ALDH1L2: variants seen among roughly 807,000 people sequenced by gnomAD.
The protein encoded by ALDH1L2 is mitochondrial 10-formyltetrahydrofolate dehydrogenase.
A neutral mutation model predicts 111.0 loss-of-function variants in ALDH1L2; 91 were observed. The ratio of observed to expected loss-of-function variants is 0.82; its 90% CI spans 0.69 to 0.98. The LOEUF is 0.98. ALDH1L2 is among the 50% of genes least tolerant of loss of function. The pLI is 0.00. For missense variants in ALDH1L2, 995 were observed against 1,126.8 expected (o/e 0.88, Z 1.67); for synonymous variants, 374 against 392.6 (o/e 0.95, Z 0.56).
chr12:105,061,721 C>A lies in ALDH1L2; in HGVS notation c.953G>T (p.Gly318Val). The A allele has an allele frequency of 6.2e-7, 1 of 1,614,138 alleles. No individual in the cohort carries two copies. Among genetic ancestry groups the A allele is most frequent in the Non-Finnish European group, 8.5e-7 (1 of 1,180,016 alleles). The change falls in exon 8 of 23, where the codon GGA (glycine) becomes GTA (valine). Residue 318 changes from glycine (G) to valine (V), a missense_variant. Physicochemically the swap from Gly to Val is moderately radical, Grantham distance 109. Transcript: ENST00000258494. Reference sequence around the variant, plus strand: ...GTACTGAGAGGCAGGGATCATTTTTCCATCTTCAAACTGCAGATTTCTCAC... The same window carrying A: ...GTACTGAGAGGCAGGGATCATTTTTACATCTTCAAACTGCAGATTTCTCAC... ...LTVRNLQFED[G>V]KMIPASQYFS...
chr12:105,076,169 A>T (rs890841745), intron 1 of ALDH1L2, among the ~76,000 whole-genome samples: 6 of 152,298 alleles, frequency 3.9e-5, no homozygotes, highest in African/African-American at 1.4e-4. Flanking sequence ...CCTACTTCAG[A>T]TCTACTGACT....
At chr12:105,074,479 A>AG (rs1877927789) in intron 1 of ALDH1L2, among the ~76,000 whole-genome samples, 1 of 149,516 alleles carries the variant, frequency 6.7e-6, no homozygotes, top group African/African-American at 2.5e-5. Flanking sequence ...AAAAAAAAAA[A>AG]AAAAGAAAAG....
chr12:105,053,867 T>C (rs1341201449), intron 10 of ALDH1L2, among the ~76,000 whole-genome samples: 2 of 151,378 alleles, frequency 1.3e-5, no homozygotes, highest in East Asian at 3.9e-4. Context: ...TATTATATAA[T>C]ATTATTACCC....
intron 2 of ALDH1L2, among the ~76,000 whole-genome samples, chr12:105,071,419 G>A (rs1285722298): frequency 6.6e-6 from 1 of 151,608 alleles, no homozygotes; most frequent in Non-Finnish European, 1.5e-5. Context: ...GCAGACCAGG[G>A]TCTCCTTCCT....
chr12:105,042,124 A>C (rs1875573947), intron 15 of ALDH1L2, among the ~76,000 whole-genome samples: 1 of 152,082 alleles, frequency 6.6e-6, no homozygotes, highest in Non-Finnish European at 1.5e-5. Flanking sequence ...TCTATCCCTC[A>C]TATACCTATA....
chr12:105,073,729 T>G, intron 2 of ALDH1L2, 132 bp downstream of exon 2: 1 of 1,301,324 alleles, frequency 7.7e-7, no homozygotes, highest in Non-Finnish European at 1.1e-6. Context: ...ATTCCCACTC[T>G]TTTCCTTCCT....
intron 15 of ALDH1L2, among the ~76,000 whole-genome samples, chr12:105,042,798 C>T (rs1241292171): frequency 6.6e-6 from 1 of 152,110 alleles, no homozygotes; most frequent in Non-Finnish European, 1.5e-5. Flanking sequence ...ATTTTCCCTT[C>T]TTTCTCACAT....
chr12:105,067,742 C>T (rs1427692998), intron 4 of ALDH1L2, among the ~76,000 whole-genome samples: 1 of 152,150 alleles, frequency 6.6e-6, no homozygotes, highest in Non-Finnish European at 1.5e-5. Context: ...CACAGGGGAA[C>T]AGAGCCAAGT....
chr12:105,063,033 G>T lies in ALDH1L2; in HGVS notation c.787-11C>A, dbSNP rs777060150. On this transcript the variant is annotated splice_polypyrimidine_tract_variant and intron_variant, in intron 6 of 22. Coordinates refer to ENST00000258494, the MANE Select transcript of ALDH1L2 (RefSeq NM_001034173.4). ...ATAGAAAGTGACCATCTAGTAAAGA[G>T]ATCAAACACAGATTGTAAAATCAGG... 6.2e-6 allele frequency: 10 copies of T among 1,606,594 alleles called. No individual in the cohort carries two copies. Among genetic ancestry groups the T allele is most frequent in the Non-Finnish European group, 1.7e-6 (2 of 1,177,710 alleles).
intron 22 of ALDH1L2, among the ~76,000 whole-genome samples, chr12:105,025,664 C>G (rs1565946992): frequency 1.3e-5 from 2 of 152,092 alleles, no homozygotes; most frequent in Non-Finnish European, 2.9e-5. Context: ...CAAAACAAAA[C>G]AAAAAAACTC....
chr12:105,051,069 ATTCTTCCCAGTCCTTATTATTT>A (rs1412692809), intron 12 of ALDH1L2, among the ~76,000 whole-genome samples: 1 of 152,188 alleles, frequency 6.6e-6, no homozygotes, highest in Non-Finnish European at 1.5e-5. Flanking sequence ...GATTTATAAT[ATTCTTCCCAGTCCTTATTATTT>A]TTCTTCCTTG....
At chr12:105,029,731 T>C (rs1874602494) in intron 21 of ALDH1L2, among the ~76,000 whole-genome samples, 1 of 152,174 alleles carries the variant, frequency 6.6e-6, no homozygotes, top group African/African-American at 2.4e-5. Flanking sequence ...TCTAAAGCCA[T>C]TCTGAAGAAT....
intron 1 of ALDH1L2, among the ~76,000 whole-genome samples, chr12:105,075,516 T>C (rs1159889949): frequency 1.3e-5 from 2 of 152,044 alleles, no homozygotes; most frequent in Non-Finnish European, 1.5e-5. Context: ...ACCCGGGAGA[T>C]AGAGGTTGCA....
chr12:105,066,691 G>A (rs750881351), intron 4 of ALDH1L2, 22 bp from the exon 5 acceptor site: 1 of 1,595,440 alleles, frequency 6.3e-7, no homozygotes, highest in East Asian at 2.2e-5. Flanking sequence ...GACATCACCT[G>A]TGTTACAGCC....
At chr12:105,074,149 A>G (rs998218432) in intron 1 of ALDH1L2, 144 bp from the exon 2 acceptor site, 10 of 1,032,830 alleles carry the variant, frequency 9.7e-6, no homozygotes, top group Non-Finnish European at 1.2e-5. Flanking sequence ...CCACTACTCA[A>G]TATATGCATG....
chr12:105,028,397 G>A lies in ALDH1L2; in HGVS notation c.2517-1653C>T, dbSNP rs117385642. ...CAAAGTGCTGGGATTACAGGCATGAGCCATTGCGCCTGGCCAAGCCAGGTA... is the reference window on the plus strand; with the variant it reads ...CAAAGTGCTGGGATTACAGGCATGAACCATTGCGCCTGGCCAAGCCAGGTA... On this transcript the variant is annotated intron_variant, in intron 21 of 22. Coordinates refer to ENST00000258494, the MANE Select transcript of ALDH1L2 (RefSeq NM_001034173.4). 5.3e-3 allele frequency among the ~76,000 whole-genome samples: 802 copies of A among 152,326 alleles called. 24 individuals carry two copies. In the East Asian group the frequency reaches 0.093, roughly 18 times the overall value.
At chr12:105,057,051 T>G (rs1876673581) in intron 10 of ALDH1L2, among the ~76,000 whole-genome samples, 1 of 151,166 alleles carries the variant, frequency 6.6e-6, no homozygotes, top group African/African-American at 2.4e-5. Context: ...CGAAGGACGC[T>G]TAAGACTCAG....
chr12:105,031,120 T>A (rs1262478694), intron 20 of ALDH1L2, among the ~76,000 whole-genome samples: 1 of 152,220 alleles, frequency 6.6e-6, no homozygotes, highest in Non-Finnish European at 1.5e-5. Context: ...TTGTATTTCT[T>A]CTTTTTCCCA....
At chr12:105,063,143 G>A in intron 6 of ALDH1L2, 121 bp from the exon 7 acceptor site, 1 of 1,166,152 alleles carries the variant, frequency 8.6e-7, no homozygotes, top group Non-Finnish European at 1.2e-6. Flanking sequence ...ATAAAATTGA[G>A]ACACCACAAT....
Sources: gnomAD v4.1 joint callset for allele counts (sites outside exome capture counted in the v4.1 genomes callset) on GRCh38, gnomAD v4.1.1 for gene constraint, MANE v1.5 for transcripts, NCBI Gene and HGNC (gene_info 2026-07-23, HGNC 2026-07-21) for gene names.